The following DIPK2A variants were observed in gnomAD, a reference collection of about 807,000 sequenced individuals.
The protein encoded by DIPK2A is Golgi Protein of 49 kDa.
In DIPK2A, 27 loss-of-function variants were observed where a neutral mutation model predicts 39.0. The observed-to-expected ratio is 0.69, with a 90% CI of 0.51 to 0.96. The LOEUF (loss-of-function observed/expected upper bound fraction) is 0.96. DIPK2A is among the 40% of genes least tolerant of loss of function. The probability of loss-of-function intolerance (pLI) is 0.00; values close to 1 mark genes in which losing one functional copy is unlikely to be tolerated. For synonymous variants in DIPK2A, 298 were observed against 240.8 expected (o/e 1.24, Z -2.20); for missense variants, 528 against 571.3 (o/e 0.92, Z 0.77).
chr3:143,985,893 C>A (rs7651751), intron 2 of DIPK2A, 47 bp downstream of exon 2: 1 of 1,445,394 alleles, frequency 6.9e-7, no homozygotes, highest in Non-Finnish European at 9.4e-7. Flanking sequence ...TTTCCTATGT[C>A]AAAATAATGT....
chr3:143,992,008 A>G lies in DIPK2A; in HGVS notation c.*2167A>G, dbSNP rs941444946. 1 of 152,594 alleles carries G rather than the reference A, an allele frequency of 6.6e-6. No individual in the cohort carries two copies. The highest frequency in any genetic ancestry group is 1.5e-5 in the Non-Finnish European group (1 of 68,026). The allele number at this position is 152,594 out of a possible 1,614,324, so 9.5% of individuals were successfully genotyped here. A position where few individuals can be genotyped will look rare whatever the true frequency, so the allele number is the denominator to read the frequency against. ...TTTCCCCTCCATGAAATTATGTGAA[A>G]TTTATTTTATCTTTGGGAAAAGTTG... On this transcript the variant is annotated 3_prime_UTR_variant, in exon 3 of 3. Transcript: ENST00000315691.
In DIPK2A at chr3:143,972,625, A is replaced by T. The variant is rs776473436; in HGVS notation, c.293A>T (p.Glu98Val). 1.2e-6 allele frequency: 2 copies of T among 1,611,706 alleles called. No homozygotes were observed. The highest frequency in any genetic ancestry group is 1.7e-6 in the Non-Finnish European group (2 of 1,179,520). The change falls in exon 1 of 3, where the codon GAG becomes GTG. Residue 98 changes from glutamate to valine, a missense_variant. This residue lies in a region of DIPK2A where 309 missense variants were observed against 289.8 expected (regional missense o/e 1.07). Coordinates refer to ENST00000315691, the MANE Select transcript of DIPK2A (RefSeq NM_173552.5). ...AACGTGTACTTCGCGCAGTACGGCG[A>T]GCCCCGCGAGGGCGGCCGCCGCCGA... ...VKNVYFAQYG[E>V]PREGGRRRVV...
At chr3:143,976,060 A>G (rs963570896) in intron 1 of DIPK2A, among the ~76,000 whole-genome samples, 2 of 152,144 alleles carry the variant, frequency 1.3e-5, no homozygotes, top group Admixed American at 6.5e-5. Flanking sequence ...GGTGAAAGAC[A>G]TTAAGTGTCT....
chr3:143,973,098 G>T (rs1245560340), intron 1 of DIPK2A, 109 bp downstream of exon 1: 6 of 1,391,198 alleles, frequency 4.3e-6, no homozygotes, highest in Non-Finnish European at 5.9e-6. Context: ...ACTCGGCCGG[G>T]CTGGGCCAGG....
rs1027854514 is a variant in DIPK2A at position 143,985,680 on chromosome 3, G to A, written c.795G>A (p.Trp265Ter). The A allele has an allele frequency of 6.2e-7, 1 of 1,614,158 alleles. No homozygotes were observed. Among genetic ancestry groups the A allele is most frequent in the Non-Finnish European group, 8.5e-7 (1 of 1,180,024 alleles). The change falls in exon 2 of 3, where the codon TGG (tryptophan) becomes TGA (stop). Residue 265 changes from tryptophan (W) to a stop codon, truncating the protein, a stop_gained. Coordinates refer to ENST00000315691, the MANE Select transcript of DIPK2A (RefSeq NM_173552.5). LOFTEE classifies it high-confidence loss of function. The stretch of plus-strand genomic sequence containing the variant: ...GGGAAAAACGAGTTGACCTCGCTTG[G>A]CAATTAATGGAAATAGCAGAACAGC... ...APWEKRVDLA[W>*]QLMEIAEQLT... is the part of the protein sequence containing the mutation.
intron 1 of DIPK2A, among the ~76,000 whole-genome samples, chr3:143,983,047 C>G (rs1265389337): frequency 3.9e-5 from 6 of 152,030 alleles, no homozygotes; most frequent in African/African-American, 7.2e-5. Context: ...TATACATGCT[C>G]CCAGGATCAG....
chr3:143,975,786 A>C (rs968642497), intron 1 of DIPK2A, among the ~76,000 whole-genome samples: 1 of 152,106 alleles, frequency 6.6e-6, no homozygotes, highest in Non-Finnish European at 1.5e-5. Context: ...ATTTTTGGAC[A>C]GCTGGTGACA....
In DIPK2A at chr3:143,985,865, A is replaced by AT. The variant is rs768883024; in HGVS notation, c.961+26dup. 6 of 1,557,728 alleles carry AT rather than the reference A, an allele frequency of 3.9e-6. No homozygotes were observed. Among genetic ancestry groups the AT allele is most frequent in the African/African-American group, 2.8e-5 (2 of 72,492 alleles). On this transcript the variant is annotated intron_variant, in intron 2 of 2. Transcript: ENST00000315691. ...AGACAAAGTAAGTATATAATTTTAGATTTTTTTCTACTCATTTTTTCCTAT... is the reference window on the plus strand; with the variant it reads ...AGACAAAGTAAGTATATAATTTTAGATTTTTTTTCTACTCATTTTTTCCTAT...
Position 143,990,119 on chromosome 3 carries a change from T to C in DIPK2A, c.*278T>C. 2.8e-6 allele frequency: 1 copy of C among 351,370 alleles called. No homozygotes were observed. The highest frequency in any genetic ancestry group is 5.2e-6 in the Non-Finnish European group (1 of 191,256). 21.8% of individuals were successfully genotyped at this position (351,370 alleles called of 1,614,324 possible). ...AATGCTTGAGTGGATTAATGAATATTGTTAAGCTATTGGAAATGAGTCTGA... is the reference window on the plus strand; with the variant it reads ...AATGCTTGAGTGGATTAATGAATATCGTTAAGCTATTGGAAATGAGTCTGA... On this transcript the variant is annotated 3_prime_UTR_variant, in exon 3 of 3. Transcript: ENST00000315691.
Position 143,989,864 on chromosome 3 carries a change from T to G in DIPK2A, c.*23T>G. On this transcript the variant is annotated 3_prime_UTR_variant, in exon 3 of 3. Transcript: ENST00000315691. Reference sequence around the variant, plus strand: ...TAGTCTATGGTGAACTTTTCTTTTTTTCTCCATTTAAACAGCACTGGCTAA... The same window carrying G: ...TAGTCTATGGTGAACTTTTCTTTTTGTCTCCATTTAAACAGCACTGGCTAA... 6.3e-7 allele frequency: 1 copy of G among 1,582,398 alleles called. No homozygotes were observed. The highest frequency in any genetic ancestry group is 8.6e-7 in the Non-Finnish European group (1 of 1,157,444).
At chr3:143,975,656 ACT>A (rs2087718568) in intron 1 of DIPK2A, among the ~76,000 whole-genome samples, 1 of 152,050 alleles carries the variant, frequency 6.6e-6, no homozygotes, top group African/African-American at 2.4e-5. Context: ...ATACAGAAAA[ACT>A]CAGATTTGGC....
chr3:143,973,415 C>A, intron 1 of DIPK2A: 1 of 1,550,338 alleles, frequency 6.5e-7, no homozygotes, highest in Non-Finnish European at 8.7e-7. Context: ...TTCTACACCG[C>A]GTTCGCTCTT....
chr3:143,986,625 G>A (rs1158099346), intron 2 of DIPK2A, among the ~76,000 whole-genome samples: 1 of 151,468 alleles, frequency 6.6e-6, no homozygotes. Context: ...TCGGGAGGCT[G>A]AGGCAGGAGA....
intron 1 of DIPK2A, among the ~76,000 whole-genome samples, chr3:143,983,123 A>G: frequency 6.6e-6 from 1 of 152,156 alleles, no homozygotes; most frequent in African/African-American, 2.4e-5. Context: ...CCACACAATA[A>G]TAGTGGGAGA....
At chr3:143,981,070 G>A (rs1476124043) in intron 1 of DIPK2A, among the ~76,000 whole-genome samples, 1 of 152,072 alleles carries the variant, frequency 6.6e-6, no homozygotes, top group African/African-American at 2.4e-5. Context: ...TATATTCCAT[G>A]TCCACCCTTT....
At position 143,972,693 on chromosome 3, in the gene DIPK2A, C is replaced by G. The variant is rs1264564363; in HGVS notation, c.361C>G (p.Leu121Val). Residue 121 changes from leucine (L) to valine (V), a missense_variant, in exon 1 of 3, where the codon CTC (leucine) becomes GTC (valine). Physicochemically the swap from Leu to Val is conservative, Grantham distance 32. Coordinates refer to ENST00000315691, the MANE Select transcript of DIPK2A (RefSeq NM_173552.5). ...RLGSQRELAQ[L>V]DQSICKRATG... ...CGGCTCGCAGCGCGAGCTGGCGCAG[C>G]TCGACCAGAGCATCTGCAAGCGGGC... is the stretch of plus-strand genomic sequence containing the variant. 5.6e-6 allele frequency: 9 copies of G among 1,606,924 alleles called. No homozygotes were observed. Among genetic ancestry groups the G allele is most frequent in the Non-Finnish European group, 6.8e-6 (8 of 1,177,642 alleles).
At chr3:143,977,372 G>A (rs2087746059) in intron 1 of DIPK2A, among the ~76,000 whole-genome samples, 2 of 151,918 alleles carry the variant, frequency 1.3e-5, no homozygotes, top group South Asian at 4.1e-4. Flanking sequence ...TAACGAGTGG[G>A]TTTAATTAAG....
rs2087889936 is a variant in DIPK2A, at chr3:143,985,758, C to T, written c.873C>T (p.Asp291=). The T allele has an allele frequency of 4.3e-6, 7 of 1,614,124 alleles. No homozygotes were observed. The East Asian group carries it at 1.3e-4, about 31-fold the overall frequency. ...TCTACCTCCTGGACGTCAGCTTTGA[C>T]AATTTTGCAGTTGGTCCTAGAGATG... ...FALYLLDVSF[D]NFAVGPRDGK... Residue 291 remains aspartate (D), a synonymous_variant, in exon 2 of 3, where the codon GAC becomes GAT. Coordinates refer to ENST00000315691, the MANE Select transcript of DIPK2A (RefSeq NM_173552.5).
rs148283060 is a variant in DIPK2A, at chr3:143,978,976, A to G, written c.657+5987A>G. Among the ~76,000 whole-genome samples, 586 of 152,186 alleles carry G rather than the reference A, an allele frequency of 3.9e-3. 6 individuals are homozygous for G. Among genetic ancestry groups the G allele is most frequent in the African/African-American group, 0.013 (555 of 41,542 alleles). The stretch of plus-strand genomic sequence containing the variant: ...AACAGGATTGTTTTAAAGATTAAAG[A>G]AGAAAGGATTATTCAAGTAATATCT... On this transcript the variant is annotated intron_variant, in intron 1 of 2. Transcript: ENST00000315691.
Sources: gnomAD v4.1 joint callset for allele counts (sites outside exome capture counted in the v4.1 genomes callset) on GRCh38, gnomAD v4.1.1 for gene constraint, gnomAD v4.1.1 regional missense constraint, MANE v1.5 for transcripts, NCBI Gene and HGNC (gene_info 2026-07-23, HGNC 2026-07-21) for gene names.